Variants in PEX5L observed in about 807,000 individuals in gnomAD.
The protein encoded by PEX5L is peroxisomal biogenesis factor 5 like, also known as PEX5-related protein.
PEX5L carries 30 observed loss-of-function variants against 84.0 expected under a neutral mutation model. That is an observed-to-expected ratio of 0.36 (90% CI 0.27 to 0.48). The LOEUF (loss-of-function observed/expected upper bound fraction) is 0.48, where lower values mean the gene tolerates loss of function less well. Ranked by LOEUF, PEX5L falls within the 20% of genes least tolerant of loss-of-function variation. The pLI, the probability that PEX5L is intolerant of heterozygous loss-of-function variation, is 0.99. For missense variants in PEX5L, 533 were observed against 754.6 expected, an observed-to-expected ratio of 0.71 and a Z score of 3.44; for synonymous variants, 270 against 283.1, an observed-to-expected ratio of 0.95 and a Z score of 0.46.
intron 8 of PEX5L, among the ~76,000 whole-genome samples, chr3:179,828,663 A>ATGTGTG (rs111516926): frequency 3.4e-5 from 5 of 146,438 alleles, no homozygotes; most frequent in South Asian, 2.2e-4. Context: ...AACTATGTGT[A>ATGTGTG]TGTGTGTGTG....
At position 179,807,893 on chromosome 3, in the gene PEX5L, G is replaced by A. The variant is rs370210829; in HGVS notation, c.1519-62C>T. The A allele has an allele frequency of 1.4e-5, 20 of 1,450,120 alleles. No homozygotes were observed. The African/African-American group carries it at 2.0e-4, about 14-fold the overall frequency. The allele number at this position is 1,450,120 out of a possible 1,614,324, so 89.8% of individuals were successfully genotyped here. A position where few individuals can be genotyped will look rare whatever the true frequency, so the allele number is the denominator to read the frequency against. On this transcript the variant is annotated intron_variant, in intron 13 of 14. Transcript: ENST00000467460. ...CAAGGCACAATGACAGAGCATTCCT[G>A]TATTTCTCTGCAGAGAAAGGAAGAT...
intron 1 of PEX5L, among the ~76,000 whole-genome samples, chr3:180,005,241 G>T (rs1425207227): frequency 6.6e-6 from 1 of 151,802 alleles, no homozygotes. Context: ...TTGATGAGCG[G>T]GGATTTTAAA....
chr3:179,930,637 C>T (rs772580332), intron 2 of PEX5L, among the ~76,000 whole-genome samples: 33 of 152,114 alleles, frequency 2.2e-4, no homozygotes, highest in Non-Finnish European at 3.7e-4. Context: ...TTTAAATATG[C>T]CTCATGCTTT....
intron 1 of PEX5L, among the ~76,000 whole-genome samples, chr3:179,983,057 T>G (rs1379499276): frequency 6.6e-6 from 1 of 151,986 alleles, no homozygotes; most frequent in Non-Finnish European, 1.5e-5. Context: ...ACTCTTAATC[T>G]CCCTTACTGT....
rs1461936019 is a variant in PEX5L at position 179,797,630 on chromosome 3, ATC to A, written c.*4196_*4197del. 1.2e-4 allele frequency: 17 copies of A among 144,278 alleles called. No individual in the cohort carries two copies. Among genetic ancestry groups the A allele is most frequent in the African/African-American group, 3.3e-4 (13 of 39,380 alleles). 8.9% of individuals were successfully genotyped at this position (144,278 alleles called of 1,614,324 possible). ...AATATATATATATATATATATATAT[ATC>A]TACTTCTTAGTTCAAAACAGTTTAA... On this transcript the variant is annotated 3_prime_UTR_variant, in exon 15 of 15. Transcript: ENST00000467460.
At chr3:179,887,854 C>T (rs1333808919) in intron 3 of PEX5L, 70 bp from the exon 4 acceptor site, 3 of 1,010,110 alleles carry the variant, frequency 3.0e-6, no homozygotes, top group Non-Finnish European at 4.6e-6. Context: ...TAAAATGCAG[C>T]CTTGCAACAA....
chr3:179,924,249 C>A lies in PEX5L; in HGVS notation c.94-26003G>T, dbSNP rs569496299. Among the ~76,000 whole-genome samples the A allele has an allele frequency of 7.2e-5, 11 of 152,230 alleles. No homozygotes were observed. In the East Asian group the frequency reaches 1.2e-3, roughly 16 times the overall value. On this transcript the variant is annotated intron_variant, in intron 2 of 14. Coordinates refer to ENST00000467460, the MANE Select transcript of PEX5L (RefSeq NM_016559.3). ...GTCTCCTTAGGGCTCTTTATCTGAACCTTTCCTAAGACACTGATCATCTCT... is the reference window on the plus strand; with the variant it reads ...GTCTCCTTAGGGCTCTTTATCTGAAACTTTCCTAAGACACTGATCATCTCT...
chr3:179,965,648 C>T (rs958209115), intron 2 of PEX5L, among the ~76,000 whole-genome samples: 2 of 152,204 alleles, frequency 1.3e-5, no homozygotes, highest in African/African-American at 4.8e-5. Context: ...ATTAGATTTG[C>T]CCTTTGTGTT....
At chr3:179,820,318 G>C in intron 8 of PEX5L, 1 of 231,618 alleles carries the variant, frequency 4.3e-6, no homozygotes, top group Admixed American at 5.2e-5. Context: ...ATTGCTCCTA[G>C]CATATAAAGA....
At chr3:179,963,444 G>A (rs1232444560) in intron 2 of PEX5L, among the ~76,000 whole-genome samples, 1 of 152,058 alleles carries the variant, frequency 6.6e-6, no homozygotes, top group South Asian at 2.1e-4. Context: ...ATAACTTAAT[G>A]TCCATTAATT....
chr3:179,808,558 T>A, intron 12 of PEX5L, 121 bp from the exon 13 acceptor site: 2 of 606,808 alleles, frequency 3.3e-6, no homozygotes, highest in Non-Finnish European at 5.4e-6. Context: ...AAATTTTGCT[T>A]AAAATACCTT....
At chr3:179,847,249 T>C (rs1437277486) in intron 8 of PEX5L, among the ~76,000 whole-genome samples, 2 of 152,044 alleles carry the variant, frequency 1.3e-5, no homozygotes, top group Admixed American at 1.3e-4. Flanking sequence ...TATTGATTGA[T>C]ATATAGATAA....
chr3:179,993,615 T>C (rs545663126), intron 1 of PEX5L, among the ~76,000 whole-genome samples: 102 of 152,270 alleles, frequency 6.7e-4, no homozygotes, highest in Non-Finnish European at 8.7e-4. Context: ...TTCTCCTGCC[T>C]CAGCCTCCTG....
chr3:179,869,439 G>T (rs1289590010), intron 7 of PEX5L, among the ~76,000 whole-genome samples: 1 of 152,116 alleles, frequency 6.6e-6, no homozygotes, highest in African/African-American at 2.4e-5. Flanking sequence ...TAAGTGTCAA[G>T]AAACTTTATT....
chr3:179,877,416 A>G (rs773103329), intron 5 of PEX5L, among the ~76,000 whole-genome samples: 11 of 152,310 alleles, frequency 7.2e-5, no homozygotes, highest in South Asian at 2.1e-4. Context: ...AGAGAAATAA[A>G]TGTTCATCAT....
At chr3:179,992,886 CTATG>C (rs201959148) in intron 1 of PEX5L, among the ~76,000 whole-genome samples, 16 of 151,686 alleles carry the variant, frequency 1.1e-4, no homozygotes, top group Non-Finnish European at 1.6e-4. Context: ...ATGTATGTGT[CTATG>C]TATGTATGTA....
At chr3:179,879,178 C>T (rs1753389935) in intron 5 of PEX5L, among the ~76,000 whole-genome samples, 1 of 152,180 alleles carries the variant, frequency 6.6e-6, no homozygotes, top group African/African-American at 2.4e-5. Context: ...TTCCTCTTGG[C>T]TTTCTAAGAT....
intron 2 of PEX5L, among the ~76,000 whole-genome samples, chr3:179,904,482 T>C (rs1027555034): frequency 1.3e-5 from 2 of 152,178 alleles, no homozygotes; most frequent in East Asian, 1.9e-4. Context: ...ATTACTGGAA[T>C]TCCATGGCCA....
chr3:180,012,170 T>C (rs796955727), intron 1 of PEX5L, among the ~76,000 whole-genome samples: 14 of 152,350 alleles, frequency 9.2e-5, no homozygotes, highest in African/African-American at 3.4e-4. Context: ...ACAATAGTGA[T>C]ACAATCTCTA....
Sources: allele counts gnomAD v4.1 joint callset (sites outside exome capture counted in the v4.1 genomes callset), GRCh38; gene constraint gnomAD v4.1.1; transcripts MANE v1.5; gene names NCBI Gene and HGNC (gene_info 2026-07-23, HGNC 2026-07-21).